The following CLSTN2 variants were observed in gnomAD, a reference collection of about 807,000 sequenced individuals.
CLSTN2 encodes the protein calsyntenin 2.
CLSTN2 carries 48 observed loss-of-function variants against 101.2 expected under a neutral mutation model. The observed-to-expected ratio is 0.47, with a 90% CI of 0.38 to 0.60. The LOEUF (loss-of-function observed/expected upper bound fraction) is 0.60, where lower values mean the gene tolerates loss of function less well. CLSTN2 is among the 20% of genes least tolerant of loss of function. The pLI, the probability that CLSTN2 is intolerant of heterozygous loss-of-function variation, is 0.00. For missense variants in CLSTN2, 1,160 were observed against 1,238.2 expected, an observed-to-expected ratio of 0.94 and a Z score of 0.95; for synonymous variants, 481 against 463.6, an observed-to-expected ratio of 1.04 and a Z score of -0.48.
At chr3:140,324,436 T>C (rs1439869363) in intron 2 of CLSTN2, among the ~76,000 whole-genome samples, 2 of 152,234 alleles carry the variant, frequency 1.3e-5, no homozygotes, top group African/African-American at 4.8e-5. Context: ...ATACACCACA[T>C]TATTTCCACT....
intron 1 of CLSTN2, among the ~76,000 whole-genome samples, chr3:139,950,078 C>T (rs1237147803): frequency 6.6e-6 from 1 of 152,148 alleles, no homozygotes; most frequent in Non-Finnish European, 1.5e-5. Context: ...GAGGGGCCAA[C>T]CTTTGGCTGT....
At chr3:140,208,736 T>C (rs1252935007) in intron 2 of CLSTN2, among the ~76,000 whole-genome samples, 1 of 152,224 alleles carries the variant, frequency 6.6e-6, no homozygotes, top group Non-Finnish European at 1.5e-5. Context: ...TACTCATCTT[T>C]TTTAGTTCAT....
chr3:139,992,268 A>C (rs1936127604), intron 1 of CLSTN2, among the ~76,000 whole-genome samples: 2 of 152,158 alleles, frequency 1.3e-5, no homozygotes, highest in South Asian at 4.1e-4. Flanking sequence ...AAAATTGAGG[A>C]TCGCTCGTGC....
At chr3:140,109,978 A>G (rs2009127383) in intron 1 of CLSTN2, among the ~76,000 whole-genome samples, 1 of 152,156 alleles carries the variant, frequency 6.6e-6, no homozygotes, top group Non-Finnish European at 1.5e-5. Context: ...CCACTCTGCC[A>G]TGTGCCAGCC....
chr3:140,236,017 C>G (rs4315651), intron 2 of CLSTN2, among the ~76,000 whole-genome samples: 150,324 of 152,242 alleles, frequency 0.99, 74,246 homozygotes, highest in East Asian at 1. Flanking sequence ...GCAACTCATT[C>G]TGTGTCCCTG....
intron 1 of CLSTN2, among the ~76,000 whole-genome samples, chr3:140,138,377 G>A (rs914576252): frequency 1.3e-4 from 20 of 152,136 alleles, no homozygotes; most frequent in African/African-American, 4.8e-4. Context: ...GCTGAACCAG[G>A]GCCAGCAAAG....
At chr3:140,278,603 C>T (rs1406763803) in intron 2 of CLSTN2, among the ~76,000 whole-genome samples, 1 of 152,180 alleles carries the variant, frequency 6.6e-6, no homozygotes. Flanking sequence ...CTGGGCCAGT[C>T]CTGGAGGGGA....
At chr3:140,352,469 AC>A (rs2087618964) in intron 2 of CLSTN2, among the ~76,000 whole-genome samples, 2 of 152,176 alleles carry the variant, frequency 1.3e-5, no homozygotes, top group African/African-American at 4.8e-5. Flanking sequence ...AGAATCTCTC[AC>A]CCCTATTGTA....
chr3:140,094,779 CA>C (rs772938453), intron 1 of CLSTN2, among the ~76,000 whole-genome samples: 1 of 152,198 alleles, frequency 6.6e-6, no homozygotes, highest in African/African-American at 2.4e-5. Flanking sequence ...GTTATACTGT[CA>C]GGGGGCTCTC....
At chr3:140,177,344 G>A (rs1430100328) in intron 2 of CLSTN2, among the ~76,000 whole-genome samples, 1 of 152,078 alleles carries the variant, frequency 6.6e-6, no homozygotes, top group Non-Finnish European at 1.5e-5. Context: ...AACCTTCTTT[G>A]CCAGTCTAGG....
chr3:140,565,190 T>C (rs114051704), intron 16 of CLSTN2, among the ~76,000 whole-genome samples: 3,087 of 152,100 alleles, frequency 0.02, 43 homozygotes, highest in Middle Eastern at 0.034. Context: ...ATGTCAAAAG[T>C]CAATGACCTT....
chr3:140,365,550 C>A (rs1037941833), intron 2 of CLSTN2, among the ~76,000 whole-genome samples: 23 of 152,172 alleles, frequency 1.5e-4, no homozygotes, highest in African/African-American at 5.3e-4. Context: ...ATGTCCTTCC[C>A]ACAGCCCAGG....
chr3:140,027,716 T>G (rs1481577019), intron 1 of CLSTN2, among the ~76,000 whole-genome samples: 1 of 152,170 alleles, frequency 6.6e-6, no homozygotes. Context: ...CAGACCCCAG[T>G]GTCATCCACA....
At chr3:140,366,623 C>A (rs1163390900) in intron 2 of CLSTN2, among the ~76,000 whole-genome samples, 1 of 152,172 alleles carries the variant, frequency 6.6e-6, no homozygotes, top group Admixed American at 6.5e-5. Flanking sequence ...GGGCCTTCAC[C>A]TCACTTCATT....
At chr3:140,206,677 C>T (rs529218650) in intron 2 of CLSTN2, among the ~76,000 whole-genome samples, 32 of 152,220 alleles carry the variant, frequency 2.1e-4, no homozygotes, top group East Asian at 1.4e-3. Context: ...TTGAAGCAGC[C>T]GAGGAGAGAG....
At chr3:140,315,294 C>G (rs1433164399) in intron 2 of CLSTN2, among the ~76,000 whole-genome samples, 1 of 152,132 alleles carries the variant, frequency 6.6e-6, no homozygotes, top group Non-Finnish European at 1.5e-5. Context: ...CAGTTATGCA[C>G]AACACCTGCG....
At chr3:140,236,910 T>C (rs1233566826) in intron 2 of CLSTN2, among the ~76,000 whole-genome samples, 1 of 151,402 alleles carries the variant, frequency 6.6e-6, no homozygotes, top group African/African-American at 2.4e-5. Flanking sequence ...TTTTTTCTCT[T>C]CCTTCTGGAA....
intron 2 of CLSTN2, among the ~76,000 whole-genome samples, chr3:140,246,702 A>G (rs138258291): frequency 8.5e-5 from 13 of 152,290 alleles, no homozygotes; most frequent in Non-Finnish European, 1.9e-4. Flanking sequence ...TAATCAGTCT[A>G]AGGGCTGGGA....
At chr3:140,240,201 C>G (rs56099339) in intron 2 of CLSTN2, among the ~76,000 whole-genome samples, 1 of 26,002 alleles carries the variant, frequency 3.8e-5, no homozygotes, top group South Asian at 1.9e-3. Context: ...TATATATATA[C>G]ACACACACAC....
Sources: gnomAD v4.1 joint callset for allele counts (sites outside exome capture counted in the v4.1 genomes callset) on GRCh38, gnomAD v4.1.1 for gene constraint, MANE v1.5 for transcripts, NCBI Gene and HGNC (gene_info 2026-07-23, HGNC 2026-07-21) for gene names.